ZCCHC7: variants seen among roughly 807,000 people sequenced by gnomAD.
The protein encoded by ZCCHC7 is zinc finger CCHC domain-containing protein 7.
A neutral mutation model predicts 52.0 loss-of-function variants in ZCCHC7; 35 were observed. The observed-to-expected ratio is 0.67, with a 90% CI of 0.51 to 0.89. The LOEUF (loss-of-function observed/expected upper bound fraction) is 0.89, where lower values mean the gene tolerates loss of function less well. Among genes scored for constraint, ZCCHC7 ranks in the 40% least tolerant of loss-of-function variants. The pLI, the probability that ZCCHC7 is intolerant of heterozygous loss-of-function variation, is 0.00. For missense variants in ZCCHC7, 574 were observed against 649.1 expected, an observed-to-expected ratio of 0.88 and a Z score of 1.26; for synonymous variants, 217 against 221.5, an observed-to-expected ratio of 0.98 and a Z score of 0.18.
At chr9:37,317,857 A>G (rs995452691) in intron 5 of ZCCHC7, among the ~76,000 whole-genome samples, 1 of 141,858 alleles carries the variant, frequency 7.0e-6, no homozygotes, top group Non-Finnish European at 1.5e-5. Flanking sequence ...CCCCCAAAAA[A>G]GCCTGTTTAT....
chr9:37,277,736 A>G, intron 2 of ZCCHC7, among the ~76,000 whole-genome samples: 1 of 152,184 alleles, frequency 6.6e-6, no homozygotes, highest in East Asian at 1.9e-4. Context: ...TGGAAAGTGA[A>G]GGGAAATTCT....
At chr9:37,327,968 A>G in intron 6 of ZCCHC7, 134 bp downstream of exon 6, 1 of 898,166 alleles carries the variant, frequency 1.1e-6, no homozygotes, top group South Asian at 1.8e-5. Flanking sequence ...TGTACGGAGA[A>G]AGCAATAATA....
intron 2 of ZCCHC7, among the ~76,000 whole-genome samples, chr9:37,300,151 C>A (rs1306194039): frequency 6.6e-6 from 1 of 152,204 alleles, no homozygotes; most frequent in Non-Finnish European, 1.5e-5. Flanking sequence ...TAGAGTCGAT[C>A]TCCCTCCTTC....
chr9:37,282,557 A>T (rs1416417313), intron 2 of ZCCHC7, among the ~76,000 whole-genome samples: 4 of 146,130 alleles, frequency 2.7e-5, no homozygotes, highest in Non-Finnish European at 4.5e-5. Flanking sequence ...GTGAGCCAAG[A>T]TCCTGCCACT....
At chr9:37,205,268 A>G in intron 2 of ZCCHC7, 1 of 313,922 alleles carries the variant, frequency 3.2e-6, no homozygotes, top group Admixed American at 3.2e-5. Context: ...TTCCTTTTTG[A>G]ACAGTACCTA....
intron 2 of ZCCHC7, among the ~76,000 whole-genome samples, chr9:37,269,698 G>A (rs1410402431): frequency 6.6e-6 from 1 of 150,610 alleles, no homozygotes; most frequent in African/African-American, 2.4e-5. Context: ...AGGTTAGTGA[G>A]GTGACAGTGA....
chr9:37,169,454 T>C (rs1330534596), intron 2 of ZCCHC7, among the ~76,000 whole-genome samples: 4 of 149,970 alleles, frequency 2.7e-5, no homozygotes, highest in Non-Finnish European at 6.0e-5. Context: ...GATTTTTTTT[T>C]CTTTTGCAAA....
intron 5 of ZCCHC7, among the ~76,000 whole-genome samples, chr9:37,313,283 A>G (rs975578413): frequency 6.6e-6 from 1 of 151,380 alleles, no homozygotes; most frequent in East Asian, 1.9e-4. Context: ...CTGAGAGATC[A>G]GACTACTTCA....
chr9:37,247,411 T>TA (rs1826126147), intron 2 of ZCCHC7, among the ~76,000 whole-genome samples: 2 of 152,212 alleles, frequency 1.3e-5, no homozygotes, highest in African/African-American at 4.8e-5. Context: ...TCAGTGACCT[T>TA]ACTGCATTTA....
chr9:37,190,221 C>G (rs1163249731), intron 2 of ZCCHC7, among the ~76,000 whole-genome samples: 1 of 152,224 alleles, frequency 6.6e-6, no homozygotes, highest in African/African-American at 2.4e-5. Flanking sequence ...CCCACTGCTG[C>G]TGCTGTCACT....
chr9:37,194,981 C>G (rs1371623596), intron 2 of ZCCHC7, among the ~76,000 whole-genome samples: 2 of 145,158 alleles, frequency 1.4e-5, no homozygotes, highest in East Asian at 4.0e-4. Flanking sequence ...GGGTCTCACT[C>G]TATTGCCCAG....
At chr9:37,196,311 CTT>C (rs908021836) in intron 2 of ZCCHC7, among the ~76,000 whole-genome samples, 1 of 152,104 alleles carries the variant, frequency 6.6e-6, no homozygotes, top group Non-Finnish European at 1.5e-5. Flanking sequence ...TATAGTGAAA[CTT>C]TATCTGTAGA....
intron 2 of ZCCHC7, among the ~76,000 whole-genome samples, chr9:37,204,021 C>T (rs1403992423): frequency 1.3e-5 from 2 of 152,110 alleles, no homozygotes; most frequent in Non-Finnish European, 2.9e-5. Flanking sequence ...GAGATGGTAC[C>T]TCATTGTGGT....
chr9:37,181,355 A>G (rs1822343717), intron 2 of ZCCHC7, among the ~76,000 whole-genome samples: 1 of 152,178 alleles, frequency 6.6e-6, no homozygotes, highest in South Asian at 2.1e-4. Context: ...TTGACTTCAG[A>G]GATTTTTGCT....
intron 2 of ZCCHC7, among the ~76,000 whole-genome samples, chr9:37,210,360 T>C (rs1824151032): frequency 6.6e-6 from 1 of 152,210 alleles, no homozygotes; most frequent in Non-Finnish European, 1.5e-5. Context: ...AATAACCACA[T>C]CTATGAACAT....
chr9:37,294,885 G>C (rs1828711569), intron 2 of ZCCHC7, among the ~76,000 whole-genome samples: 1 of 152,094 alleles, frequency 6.6e-6, no homozygotes, highest in Admixed American at 6.5e-5. Context: ...AAAGTGCCCA[G>C]GATCCTTGAA....
chr9:37,260,523 T>G (rs1327558288), intron 2 of ZCCHC7, among the ~76,000 whole-genome samples: 1 of 152,196 alleles, frequency 6.6e-6, no homozygotes, highest in Non-Finnish European at 1.5e-5. Context: ...AGAGGCCCCT[T>G]TTGAGAGCAA....
chr9:37,357,381 GT>G lies in ZCCHC7; in HGVS notation c.*120del, dbSNP rs947773566. The stretch of plus-strand genomic sequence containing the variant: ...TTAAATAAAGTGAGTTTTTGGTTTT[GT>G]TTTTTTAATTTCAGCCATTCCTAGA... On this transcript the variant is annotated 3_prime_UTR_variant, in exon 9 of 9. Transcript: ENST00000336755. The G allele has an allele frequency of 1.4e-5, 15 of 1,086,300 alleles. No homozygotes were observed. In the African/African-American group the frequency reaches 1.6e-4, roughly 12 times the overall value. The allele number at this position is 1,086,300 out of a possible 1,614,324, so 67.3% of individuals were successfully genotyped here.
chr9:37,247,551 A>G (rs912848024), intron 2 of ZCCHC7, among the ~76,000 whole-genome samples: 1 of 152,144 alleles, frequency 6.6e-6, no homozygotes, highest in South Asian at 2.1e-4. Context: ...TCTGAAAATT[A>G]TTTTCAGTAT....
Sources: allele counts gnomAD v4.1 joint callset (sites outside exome capture counted in the v4.1 genomes callset), GRCh38; gene constraint gnomAD v4.1.1; transcripts MANE v1.5; gene names NCBI Gene and HGNC (gene_info 2026-07-23, HGNC 2026-07-21).